The following PCBD2 variants were observed in gnomAD, a reference collection of about 807,000 sequenced individuals.
PCBD2 encodes the protein pterin-4 alpha-carbinolamine dehydratase 2.
Under a neutral mutation model 16.4 loss-of-function variants are expected in PCBD2, and 12 were observed. That is an observed-to-expected ratio of 0.73 (90% CI 0.47 to 1.19). PCBD2 has a LOEUF of 1.19. Among genes scored for constraint, PCBD2 ranks in the 50% most tolerant of loss-of-function variants. The probability of loss-of-function intolerance (pLI) is 0.00; values close to 1 mark genes in which losing one functional copy is unlikely to be tolerated. For synonymous variants in PCBD2, 58 were observed against 61.8 expected, an observed-to-expected ratio of 0.94 and a Z score of 0.29; for missense variants, 138 against 156.8, an observed-to-expected ratio of 0.88 and a Z score of 0.64.
intron 2 of PCBD2, among the ~76,000 whole-genome samples, chr5:134,912,262 G>A (rs868027183): frequency 3.3e-5 from 5 of 152,184 alleles, no homozygotes; most frequent in Admixed American, 3.3e-4. Context: ...GATTATATCC[G>A]GGGGTCAGTT....
At chr5:134,909,578 C>T (rs1750740105) in intron 1 of PCBD2, among the ~76,000 whole-genome samples, 1 of 152,320 alleles carries the variant, frequency 6.6e-6, no homozygotes, top group East Asian at 1.9e-4. Context: ...AGTTCAGCTT[C>T]TCTGGCTTAT....
chr5:134,958,974 G>C (rs1561916352), intron 2 of PCBD2, 66 bp from the exon 3 acceptor site: 1 of 1,291,212 alleles, frequency 7.7e-7, no homozygotes. Context: ...GGATTGCTCT[G>C]TTGTGTCTCT....
intron 2 of PCBD2, among the ~76,000 whole-genome samples, chr5:134,933,584 C>T (rs1446910785): frequency 6.6e-6 from 1 of 152,104 alleles, no homozygotes; most frequent in African/African-American, 2.4e-5. Flanking sequence ...TTCCATTGAA[C>T]AAAAAAGCCA....
At position 134,952,079 on chromosome 5, in the gene PCBD2, T is replaced by C. The variant is rs1186727148; in HGVS notation, c.217-6961T>C. Among the ~76,000 whole-genome samples, 3 of 152,206 alleles carry C rather than the reference T, an allele frequency of 2.0e-5. No individual in the cohort carries two copies. In the East Asian group the frequency reaches 5.8e-4, roughly 29 times the overall value. ...TTGTTAAGTTACTCTTAGATTGTTT[T>C]TCGGTGCCATTTTAAATGATATCTT... On this transcript the variant is annotated intron_variant, in intron 2 of 3. Transcript: ENST00000254908.
intron 2 of PCBD2, among the ~76,000 whole-genome samples, chr5:134,941,118 GAAAAAAAAAAAA>G (rs764468793): frequency 2.5e-5 from 2 of 80,212 alleles, no homozygotes; most frequent in East Asian, 3.3e-4. Context: ...CCATCTCAAG[GAAAAAAAAAAAA>G]AAAAAAAAAA....
chr5:134,959,075 A>C lies in PCBD2; in HGVS notation c.252A>C (p.Ala84=), dbSNP rs1190311793. ...TTATGTCCCGAGTTGCCCTACAAGCAGAGAAGATGAATCATCACCCAGAAT... is the reference window on the plus strand; with the variant it reads ...TTATGTCCCGAGTTGCCCTACAAGCCGAGAAGATGAATCATCACCCAGAAT... ...FGFMSRVALQ[A]EKMNHHPEWF... The change falls in exon 3 of 4, where the codon GCA becomes GCC. Residue 84 remains alanine, a synonymous_variant. Coordinates refer to ENST00000254908, the MANE Select transcript of PCBD2 (RefSeq NM_032151.5). 1 of 1,614,136 alleles carries C rather than the reference A, an allele frequency of 6.2e-7. No individual in the cohort carries two copies. Among genetic ancestry groups the C allele is most frequent in the Non-Finnish European group, 8.5e-7 (1 of 1,179,964 alleles).
At chr5:134,915,622 AT>A (rs969891685) in intron 2 of PCBD2, among the ~76,000 whole-genome samples, 1 of 147,596 alleles carries the variant, frequency 6.8e-6, no homozygotes, top group Non-Finnish European at 1.5e-5. Context: ...TAATTTTTGA[AT>A]TTTTTTTTGC....
chr5:134,939,723 C>G (rs1441501530), intron 2 of PCBD2, among the ~76,000 whole-genome samples: 4 of 152,100 alleles, frequency 2.6e-5, no homozygotes, highest in Admixed American at 6.5e-5. Context: ...GTCTGCCTCA[C>G]AGTATATGAA....
intron 3 of PCBD2, 84 bp from the exon 4 acceptor site, chr5:134,960,499 GAAT>G: frequency 1.1e-6 from 1 of 876,510 alleles, no homozygotes. Context: ...TATGAATGTT[GAAT>G]AATAGACTGA....
chr5:134,919,419 T>C (rs1251400512), intron 2 of PCBD2, among the ~76,000 whole-genome samples: 1 of 152,224 alleles, frequency 6.6e-6, no homozygotes, highest in East Asian at 1.9e-4. Flanking sequence ...TATCAACAGA[T>C]GTTATCATAT....
At chr5:134,928,793 C>T (rs1751054565) in intron 2 of PCBD2, among the ~76,000 whole-genome samples, 1 of 152,154 alleles carries the variant, frequency 6.6e-6, no homozygotes, top group Non-Finnish European at 1.5e-5. Context: ...CAAGATCGTG[C>T]CACTCCAGCC....
intron 2 of PCBD2, chr5:134,923,706 A>G (rs958638142): frequency 7.8e-6 from 3 of 386,706 alleles, no homozygotes; most frequent in Middle Eastern, 6.6e-4. Flanking sequence ...GATGATGCCA[A>G]TGTTTCAGGT....
intron 2 of PCBD2, among the ~76,000 whole-genome samples, chr5:134,938,531 T>C (rs1751188261): frequency 1.3e-5 from 2 of 152,154 alleles, no homozygotes; most frequent in Admixed American, 1.3e-4. Context: ...TCTGTGTGCT[T>C]GGGAGCTTTA....
At chr5:134,934,687 T>G (rs571772837) in intron 2 of PCBD2, among the ~76,000 whole-genome samples, 26 of 152,338 alleles carry the variant, frequency 1.7e-4, no homozygotes, top group African/African-American at 5.8e-4. Context: ...AATATTTAGT[T>G]GTGGACCACA....
Position 134,961,442 on chromosome 5 carries a change from C to T in PCBD2, c.*761C>T, listed in dbSNP as rs1000159868. Among the ~76,000 whole-genome samples the T allele has an allele frequency of 5.9e-5, 9 of 151,984 alleles. No homozygotes were observed. The highest frequency in any genetic ancestry group is 1.3e-4 in the Admixed American group (2 of 15,280). ...CTGGGACTATAGGCACGTGCCACTG[C>T]GCCTAGCTAATTTTTGTATTTTTAG... On this transcript the variant is annotated 3_prime_UTR_variant, in exon 4 of 4. Transcript: ENST00000254908.
intron 2 of PCBD2, among the ~76,000 whole-genome samples, chr5:134,947,512 C>T (rs1033343110): frequency 4.6e-5 from 7 of 151,890 alleles, no homozygotes; most frequent in South Asian, 2.1e-4. Context: ...CTCAGCCTCC[C>T]GAGTAGGTGG....
chr5:134,905,345 T>A, intron 1 of PCBD2, 122 bp downstream of exon 1: 1 of 872,032 alleles, frequency 1.1e-6, no homozygotes, highest in South Asian at 5.7e-5. Flanking sequence ...GCCTTGGAGC[T>A]CGGGCGTCGG....
chr5:134,936,546 G>T (rs181132580), intron 2 of PCBD2, among the ~76,000 whole-genome samples: 49 of 152,316 alleles, frequency 3.2e-4, no homozygotes, highest in South Asian at 1.5e-3. Flanking sequence ...CATGTTAAAG[G>T]TTTCAGATCC....
At chr5:134,924,366 T>G (rs1750956357) in intron 2 of PCBD2, 2 of 396,156 alleles carry the variant, frequency 5.0e-6, no homozygotes, top group Non-Finnish European at 8.9e-6. Flanking sequence ...TCCTGAGGCA[T>G]GGGGGTCAGG....
Sources: allele counts gnomAD v4.1 joint callset (sites outside exome capture counted in the v4.1 genomes callset), GRCh38; gene constraint gnomAD v4.1.1; transcripts MANE v1.5; gene names NCBI Gene and HGNC (gene_info 2026-07-23, HGNC 2026-07-21).